The following HPS3 variants were observed in gnomAD, a reference collection of about 807,000 sequenced individuals.
HPS3 encodes BLOC-2 complex member HPS3.
Under a neutral mutation model 110.9 loss-of-function variants are expected in HPS3, and 79 were observed. The ratio of observed to expected loss-of-function variants is 0.71; its 90% CI spans 0.59 to 0.86. The LOEUF is 0.86. Ranked by LOEUF, HPS3 falls within the 40% of genes least tolerant of loss-of-function variation. The pLI is 0.00. For missense variants in HPS3, 1,197 were observed against 1,206.2 expected, an observed-to-expected ratio of 0.99 and a Z score of 0.11; for synonymous variants, 428 against 451.0, an observed-to-expected ratio of 0.95 and a Z score of 0.65.
rs577098808 is a variant in HPS3, at chr3:149,170,671, C to G, written c.2888-1424C>G. 4 of 152,290 alleles carry G rather than the reference C, an allele frequency of 2.6e-5. No individual in the cohort carries two copies. In the East Asian group the frequency reaches 5.8e-4, roughly 22 times the overall value. The allele number at this position is 152,290 out of a possible 1,614,324, so 9.4% of individuals were successfully genotyped here. A position where few individuals can be genotyped will look rare whatever the true frequency, so the allele number is the denominator to read the frequency against. On this transcript the variant is annotated intron_variant, in intron 16 of 16. Coordinates refer to ENST00000296051, the MANE Select transcript of HPS3 (RefSeq NM_032383.5). ...ACCATTGCTGCTTTATTCATTAACT[C>G]TTTAGCAACAAAGGCAGTTCATTCT...
intron 2 of HPS3, 57 bp from the exon 3 acceptor site, chr3:149,140,960 G>A: frequency 6.9e-7 from 1 of 1,440,666 alleles, no homozygotes; most frequent in South Asian, 1.2e-5. Context: ...TTGGTGAGAG[G>A]ATGTTGTAAA....
chr3:149,171,012 G>T (rs948726309), intron 16 of HPS3, among the ~76,000 whole-genome samples: 3 of 152,192 alleles, frequency 2.0e-5, no homozygotes, highest in African/African-American at 7.2e-5. Flanking sequence ...AGGTGCGGTG[G>T]CTCACGCCGG....
At chr3:149,154,494 A>G (rs1723317485) in intron 7 of HPS3, among the ~76,000 whole-genome samples, 1 of 152,200 alleles carries the variant, frequency 6.6e-6, no homozygotes, top group South Asian at 2.1e-4. Context: ...GGAGAGGAAA[A>G]GCAGTTTGTA....
chr3:149,137,172 G>T (rs1463131931), intron 1 of HPS3, among the ~76,000 whole-genome samples: 1 of 152,096 alleles, frequency 6.6e-6, no homozygotes, highest in East Asian at 1.9e-4. Flanking sequence ...GACTTGAATA[G>T]ACATTTCTAC....
Position 149,140,385 on chromosome 3 carries a change from T to A in HPS3, c.599T>A (p.Val200Asp). 1 of 1,610,406 alleles carries A rather than the reference T, an allele frequency of 6.2e-7. No homozygotes were observed. Residue 200 changes from valine to aspartate, a missense_variant, in exon 2 of 17, where the codon GTC (valine) becomes GAC (aspartate). Transcript: ENST00000296051. ...TCTTTTTGTGTTGGATATGTTGCTG[T>A]CATGTCAGACTTAGAAGTCTTAATC... ...EVSFCVGYVA[V>D]MSDLEVLIVK...
chr3:149,166,530 TATC>T (rs1225947037), intron 14 of HPS3, among the ~76,000 whole-genome samples: 1 of 152,248 alleles, frequency 6.6e-6, no homozygotes, highest in Non-Finnish European at 1.5e-5. Context: ...TTACTCATTT[TATC>T]ATAAACTTTT....
At chr3:149,152,902 A>T (rs1723219089) in intron 6 of HPS3, among the ~76,000 whole-genome samples, 2 of 152,172 alleles carry the variant, frequency 1.3e-5, no homozygotes, top group South Asian at 4.1e-4. Context: ...TGGCTCCTCT[A>T]GTTTACCTGA....
intron 5 of HPS3, among the ~76,000 whole-genome samples, chr3:149,148,949 CTTT>C (rs140573513): frequency 9.8e-6 from 1 of 102,490 alleles, no homozygotes; most frequent in Non-Finnish European, 1.9e-5. Flanking sequence ...GGAACCCTGC[CTTT>C]TTTTTTTTTT....
rs192087543 is a variant in HPS3 at position 149,142,923 on chromosome 3, G to A, written c.970+1543G>A. 3.9e-5 allele frequency among the ~76,000 whole-genome samples: 6 copies of A among 152,288 alleles called. No homozygotes were observed. In the East Asian group the frequency reaches 9.7e-4, roughly 25 times the overall value. On this transcript the variant is annotated intron_variant, in intron 4 of 16. Transcript: ENST00000296051. ...TCCTGAGAAAGAGGATCTGAAGGGC[G>A]AATTGGACTCACTTGGGAATAGGGT...
chr3:149,169,421 G>T (rs1191690768), intron 16 of HPS3, among the ~76,000 whole-genome samples: 1 of 152,192 alleles, frequency 6.6e-6, no homozygotes, highest in Non-Finnish European at 1.5e-5. Flanking sequence ...AAAGTTAAAT[G>T]TTAGGCAAAA....
intron 8 of HPS3, among the ~76,000 whole-genome samples, chr3:149,156,419 A>G (rs1723459568): frequency 6.6e-6 from 1 of 152,182 alleles, no homozygotes; most frequent in South Asian, 2.1e-4. Context: ...CCAGTCTAGG[A>G]TCAGGTAGTG....
chr3:149,166,925 T>C lies in HPS3; in HGVS notation c.2590-109T>C, dbSNP rs1724483754. ...ATGTGCTCTAATATGGCATTCTTTC[T>C]ATTTTATTTTTGGCAAGTGAGGTTT... On this transcript the variant is annotated intron_variant, in intron 14 of 16. Coordinates refer to ENST00000296051, the MANE Select transcript of HPS3 (RefSeq NM_032383.5). 2.0e-5 allele frequency: 17 copies of C among 833,102 alleles called. 2 individuals carry two copies. In the South Asian group the frequency reaches 2.3e-4, roughly 11 times the overall value. 51.6% of individuals were successfully genotyped at this position (833,102 alleles called of 1,614,324 possible).
chr3:149,141,148 GAA>G lies in HPS3; in HGVS notation c.849_850del (p.Arg284LysfsTer11), dbSNP rs1329601647. 1 of 1,608,856 alleles carries G rather than the reference GAA, an allele frequency of 6.2e-7. No homozygotes were observed. The highest frequency in any genetic ancestry group is 8.5e-7 in the Non-Finnish European group (1 of 1,178,318). ...VTLESTGLAD[E>X]KRKYSHFQHL... ...ACTGGAGTCTACGGGATTAGCTGATGAAAAAAGAAAATATTCCCACTTTCAGC... is the reference window on the plus strand; with the variant it reads ...ACTGGAGTCTACGGGATTAGCTGATGAAAAGAAAATATTCCCACTTTCAGC... On this transcript the variant is annotated frameshift_variant, in exon 3 of 17. Transcript: ENST00000296051. LOFTEE classifies it high-confidence loss of function.
chr3:149,144,099 G>A (rs7609856), intron 4 of HPS3, among the ~76,000 whole-genome samples: 4,319 of 152,066 alleles, frequency 0.028, 182 homozygotes, highest in African/African-American at 0.098. Flanking sequence ...ATTTGTTGCC[G>A]GGTGCGGTGG....
At chr3:149,131,298 T>A (rs1489374779) in intron 1 of HPS3, among the ~76,000 whole-genome samples, 1 of 152,214 alleles carries the variant, frequency 6.6e-6, no homozygotes, top group East Asian at 1.9e-4. Context: ...CACTTTGTTG[T>A]ACTTTGCCGA....
intron 11 of HPS3, 136 bp from the exon 12 acceptor site, chr3:149,162,012 G>A: frequency 2.7e-6 from 2 of 746,936 alleles, no homozygotes; most frequent in African/African-American, 1.8e-5. Context: ...AGCCTTTATA[G>A]TCAAAGAAAA....
chr3:149,157,855 A>G (rs994120948), intron 9 of HPS3, among the ~76,000 whole-genome samples: 3 of 152,186 alleles, frequency 2.0e-5, no homozygotes, highest in Non-Finnish European at 4.4e-5. Flanking sequence ...CATTAAAAAC[A>G]TATATTTTGT....
In HPS3 at chr3:149,173,587, G is replaced by T; in HGVS notation, c.*1365G>T. 3.0e-6 allele frequency: 2 copies of T among 663,378 alleles called. No individual in the cohort carries two copies. Among genetic ancestry groups the T allele is most frequent in the Non-Finnish European group, 5.2e-6 (2 of 384,280 alleles). 41.1% of individuals were successfully genotyped at this position (663,378 alleles called of 1,614,324 possible). A position where few individuals can be genotyped will look rare whatever the true frequency, so the allele number is the denominator to read the frequency against. On this transcript the variant is annotated 3_prime_UTR_variant, in exon 17 of 17. Transcript: ENST00000296051. ...TTTTCCCCCACAAATGTACAAAGTT[G>T]TATGCTTCCAGTCTTCTTTTAATGT...
chr3:149,144,801 T>C (rs1218717954), intron 4 of HPS3, among the ~76,000 whole-genome samples: 2 of 152,344 alleles, frequency 1.3e-5, no homozygotes, highest in Middle Eastern at 3.4e-3. Context: ...ATGGCATAAG[T>C]ATAAAATACA....
Sources: gnomAD v4.1 joint callset for allele counts (sites outside exome capture counted in the v4.1 genomes callset) on GRCh38, gnomAD v4.1.1 for gene constraint, MANE v1.5 for transcripts, NCBI Gene and HGNC (gene_info 2026-07-23, HGNC 2026-07-21) for gene names.